The following N4BP2L2 variants were observed in gnomAD, a reference collection of about 807,000 sequenced individuals.
N4BP2L2 encodes the protein NEDD4 binding protein 2 like 2.
Under a neutral mutation model 56.2 loss-of-function variants are expected in N4BP2L2, and 50 were observed. The ratio of observed to expected loss-of-function variants is 0.89; its 90% CI spans 0.71 to 1.13. The LOEUF is 1.13. N4BP2L2 is among the 50% of genes most tolerant of loss of function. The pLI is 0.00. For missense variants in N4BP2L2, 689 were observed against 693.8 expected (o/e 0.99, Z 0.08); for synonymous variants, 203 against 223.6 (o/e 0.91, Z 0.82).
rs983130668 is a variant in N4BP2L2, at chr13:32,434,256, CT to C, written c.*22-1285del. 1.3e-3 allele frequency among the ~76,000 whole-genome samples: 170 copies of C among 128,266 alleles called. 3 individuals carry two copies. Among genetic ancestry groups the C allele is most frequent in the Non-Finnish European group, 1.9e-3 (121 of 62,986 alleles). The allele number at this position is 128,266 out of a possible 152,430, so 84.1% of individuals were successfully genotyped here. ...CACATTCAGCTAATTTTCTTTTTTT[CT>C]TTTTTTTTTTTTTGTATTTTAGTAG... On this transcript the variant is annotated intron_variant, in intron 9 of 9. Coordinates refer to the N4BP2L2 transcript ENST00000357505.
chr13:32,471,664 G>A (rs1183236895), intron 6 of N4BP2L2, among the ~76,000 whole-genome samples: 1 of 152,246 alleles, frequency 6.6e-6, no homozygotes, highest in African/African-American at 2.4e-5. Flanking sequence ...AGCTGTGTGT[G>A]GGAGTGGCAG....
At chr13:32,446,416 A>T (rs906193125) in intron 6 of N4BP2L2, 16 of 1,362,764 alleles carry the variant, frequency 1.2e-5, no homozygotes, top group Admixed American at 1.9e-5. Context: ...TATGAAATTC[A>T]TCCTGCAGAC....
chr13:32,536,394 T>A (rs373675561), exon 2 of N4BP2L2: 21 of 1,614,004 alleles, frequency 1.3e-5, no homozygotes, highest in African/African-American at 4.0e-5. Context: ...AAGAGACCAT[T>A]ATTATGACCC....
intron 6 of N4BP2L2, among the ~76,000 whole-genome samples, chr13:32,444,419 C>T (rs1344689305): frequency 6.6e-6 from 1 of 152,066 alleles, no homozygotes; most frequent in Non-Finnish European, 1.5e-5. Context: ...TGCCCACCAC[C>T]ACGCTTGTCT....
intron 6 of N4BP2L2, among the ~76,000 whole-genome samples, chr13:32,493,066 G>A (rs757638433): frequency 6.6e-6 from 1 of 151,814 alleles, no homozygotes; most frequent in Non-Finnish European, 1.5e-5. Context: ...GGGATTACAG[G>A]TGCCTGCCAC....
chr13:32,529,589 C>A (rs2054040399), intron 2 of N4BP2L2, among the ~76,000 whole-genome samples: 1 of 151,710 alleles, frequency 6.6e-6, no homozygotes, highest in African/African-American at 2.4e-5. Context: ...CATGTGACAT[C>A]TAATTATGTT....
chr13:32,528,900 T>C lies in N4BP2L2; in HGVS notation c.1260-1368A>G, dbSNP rs549494007. Among the ~76,000 whole-genome samples the C allele has an allele frequency of 6.6e-5, 10 of 152,342 alleles. No individual in the cohort carries two copies. In the East Asian group the frequency reaches 1.9e-3, roughly 29 times the overall value. On this transcript the variant is annotated intron_variant, in intron 2 of 5. Transcript: ENST00000267068. Reference sequence around the variant, plus strand: ...TCTCTCCCTCAATATCCATGGGAGATTGGTTCCAGGACCACACTTGCTGCT... The same window carrying C: ...TCTCTCCCTCAATATCCATGGGAGACTGGTTCCAGGACCACACTTGCTGCT...
chr13:32,510,130 A>G (rs1281645790), downstream of N4BP2L2, among the ~76,000 whole-genome samples: 2 of 152,148 alleles, frequency 1.3e-5, no homozygotes, highest in East Asian at 1.9e-4. Context: ...TTCTTCAAAT[A>G]TTCGGAAAAT....
chr13:32,538,519 C>G (rs892722845), intron 1 of N4BP2L2, 99 bp downstream of exon 1: 10 of 692,782 alleles, frequency 1.4e-5, no homozygotes, highest in Non-Finnish European at 1.8e-5. Context: ...ACAGAGCTTA[C>G]GTCTACGTTT....
At chr13:32,434,387 C>T (rs770238325) in intron 9 of N4BP2L2, among the ~76,000 whole-genome samples, 13 of 151,798 alleles carry the variant, frequency 8.6e-5, no homozygotes, top group Admixed American at 2.6e-4. Context: ...CATGAGCCAC[C>T]GTGCCCGGCC....
intron 6 of N4BP2L2, among the ~76,000 whole-genome samples, chr13:32,452,078 T>TGG (rs1184439380): frequency 6.9e-6 from 1 of 145,374 alleles, no homozygotes; most frequent in African/African-American, 2.6e-5. Flanking sequence ...TTTTTTTTTT[T>TGG]GGGATGGAGT....
At chr13:32,532,597 T>C (rs896854345) in intron 2 of N4BP2L2, among the ~76,000 whole-genome samples, 14 of 148,290 alleles carry the variant, frequency 9.4e-5, no homozygotes, top group Admixed American at 3.3e-4. Flanking sequence ...TTTCTTTTTT[T>C]TTTTTTTTTT....
At chr13:32,516,902 T>C in exon 6 of N4BP2L2, 1 of 984,888 alleles carries the variant, frequency 1.0e-6, no homozygotes, top group Non-Finnish European at 1.2e-6. Flanking sequence ...ATGAATTCCA[T>C]CTCAGTTTTT....
At chr13:32,537,939 G>A (rs1316040046) in intron 1 of N4BP2L2, among the ~76,000 whole-genome samples, 1 of 151,906 alleles carries the variant, frequency 6.6e-6, no homozygotes, top group Admixed American at 6.6e-5. Context: ...GCATGGGGGC[G>A]CGCACTTGTG....
intron 2 of N4BP2L2, among the ~76,000 whole-genome samples, chr13:32,533,175 T>C (rs2055458392): frequency 1.3e-5 from 2 of 152,206 alleles, no homozygotes; most frequent in African/African-American, 4.8e-5. Context: ...ACAAACTTTA[T>C]AGGCTTCTCA....
chr13:32,448,063 C>T (rs956519897), intron 6 of N4BP2L2, among the ~76,000 whole-genome samples: 2 of 152,164 alleles, frequency 1.3e-5, no homozygotes, highest in Admixed American at 1.3e-4. Flanking sequence ...CAGTGAAGTG[C>T]CAGAGACATG....
At chr13:32,506,373 G>A (rs919953823), downstream of N4BP2L2, 4 of 152,152 alleles carry the variant, frequency 2.6e-5, no homozygotes, top group South Asian at 4.1e-4. Context: ...CAGTGTATCA[G>A]TTGGGTGTCT....
At chr13:32,538,109 G>A (rs1013530378) in intron 1 of N4BP2L2, among the ~76,000 whole-genome samples, 1 of 151,792 alleles carries the variant, frequency 6.6e-6, no homozygotes, top group Admixed American at 6.6e-5. Flanking sequence ...AATGCCTTAG[G>A]GACCTCAAAG....
At position 32,502,817 on chromosome 13, in the gene N4BP2L2, T is replaced by C. The variant is rs1156943037; in HGVS notation, c.365+15040A>G. On this transcript the variant is annotated intron_variant, in intron 6 of 9. Transcript: ENST00000357505. ...AACACCAGTATCAAGCAACTCACTA[T>C]ATACTTCTCGATGAAACACATTCTA... is the stretch of plus-strand genomic sequence containing the variant. Among the ~76,000 whole-genome samples the C allele has an allele frequency of 3.3e-5, 5 of 152,282 alleles. No homozygotes were observed. The South Asian group carries it at 8.3e-4, about 25-fold the overall frequency.
Sources: allele counts gnomAD v4.1 joint callset (sites outside exome capture counted in the v4.1 genomes callset), GRCh38; gene constraint gnomAD v4.1.1; transcripts MANE v1.5; gene names NCBI Gene and HGNC (gene_info 2026-07-23, HGNC 2026-07-21).